XPO4: variants seen among roughly 807,000 people sequenced by gnomAD.
The protein encoded by XPO4 is exportin 4.
A neutral mutation model predicts 143.0 loss-of-function variants in XPO4; 39 were observed. The ratio of observed to expected loss-of-function variants is 0.27; its 90% confidence interval spans 0.21 to 0.36. XPO4 has a LOEUF of 0.36. Ranked by LOEUF, XPO4 falls within the 10% of genes least tolerant of loss-of-function variation. The pLI is 1.00. For missense variants in XPO4, 907 were observed against 1,348.0 expected, an observed-to-expected ratio of 0.67 and a Z score of 5.12; for synonymous variants, 439 against 474.0, an observed-to-expected ratio of 0.93 and a Z score of 0.96.
chr13:20,874,864 G>C (rs2060336932), intron 1 of XPO4, among the ~76,000 whole-genome samples: 1 of 152,100 alleles, frequency 6.6e-6, no homozygotes, highest in Non-Finnish European at 1.5e-5. Context: ...ATGATGGCAG[G>C]TGCCTATAAT....
At chr13:20,817,669 A>G (rs2059666754) in intron 9 of XPO4, among the ~76,000 whole-genome samples, 1 of 152,248 alleles carries the variant, frequency 6.6e-6, no homozygotes, top group African/African-American at 2.4e-5. Context: ...AAAGAAACCA[A>G]GAAACAAACT....
At chr13:20,885,313 T>C (rs761114162) in intron 1 of XPO4, among the ~76,000 whole-genome samples, 2 of 152,182 alleles carry the variant, frequency 1.3e-5, no homozygotes, top group African/African-American at 4.8e-5. Flanking sequence ...ATACATATTA[T>C]CTTTGGACTA....
intron 7 of XPO4, among the ~76,000 whole-genome samples, chr13:20,823,250 G>C (rs1426875383): frequency 1.3e-5 from 2 of 152,034 alleles, no homozygotes; most frequent in Non-Finnish European, 2.9e-5. Flanking sequence ...CATAGTTTTA[G>C]GCTATATTCA....
chr13:20,841,083 C>A (rs1409757619), intron 6 of XPO4, among the ~76,000 whole-genome samples: 1 of 152,216 alleles, frequency 6.6e-6, no homozygotes, highest in Non-Finnish European at 1.5e-5. Context: ...TCTCTACCAA[C>A]TGTATTTTCC....
In XPO4 at chr13:20,782,655, AAGTT is replaced by A. The variant is rs1190538936; in HGVS notation, c.*1063_*1066del. 1 of 152,574 alleles carries A rather than the reference AAGTT, an allele frequency of 6.6e-6. No homozygotes were observed. The highest frequency in any genetic ancestry group is 1.5e-5 in the Non-Finnish European group (1 of 68,026). 9.5% of individuals were successfully genotyped at this position (152,574 alleles called of 1,614,324 possible). On this transcript the variant is annotated 3_prime_UTR_variant, in exon 23 of 23. Coordinates refer to ENST00000255305, the MANE Select transcript of XPO4 (RefSeq NM_022459.5). The stretch of plus-strand genomic sequence containing the variant: ...GTGGCTGGATAGAAACACACTCAAA[AAGTT>A]AGACTAGACGGAAACAAGCCTTTCA...
chr13:20,800,112 C>T (rs1190496413), intron 15 of XPO4, 44 bp downstream of exon 15: 8 of 1,601,520 alleles, frequency 5.0e-6, no homozygotes, highest in Admixed American at 1.7e-5. Flanking sequence ...GAGTTTCTCA[C>T]CCACACACAT....
At chr13:20,878,399 C>G (rs1282145803) in intron 1 of XPO4, among the ~76,000 whole-genome samples, 1 of 151,390 alleles carries the variant, frequency 6.6e-6, no homozygotes, top group African/African-American at 2.4e-5. Flanking sequence ...GATGTTCCTA[C>G]AACATTATAA....
intron 6 of XPO4, among the ~76,000 whole-genome samples, chr13:20,829,483 C>T (rs1323381722): frequency 6.6e-6 from 1 of 151,706 alleles, no homozygotes; most frequent in Non-Finnish European, 1.5e-5. Flanking sequence ...AATGGTTGGC[C>T]CCAAAGCTGA....
At chr13:20,815,528 AATATG>A (rs1238774572) in intron 9 of XPO4, among the ~76,000 whole-genome samples, 3 of 152,192 alleles carry the variant, frequency 2.0e-5, no homozygotes, top group Non-Finnish European at 4.4e-5. Flanking sequence ...GTACTGTAAA[AATATG>A]AGCTAAATCT....
chr13:20,828,170 G>A (rs1174083951), intron 6 of XPO4, among the ~76,000 whole-genome samples: 1 of 151,514 alleles, frequency 6.6e-6, no homozygotes, highest in Non-Finnish European at 1.5e-5. Context: ...ACACTCTCCC[G>A]CAGAGGTTGC....
At chr13:20,857,708 CA>C in intron 3 of XPO4, 3 of 463,042 alleles carry the variant, frequency 6.5e-6, no homozygotes, top group Non-Finnish European at 8.5e-6. Flanking sequence ...GCCTGGGCAA[CA>C]GAGCGAGACT....
At chr13:20,902,762 T>A (rs370811001), upstream of XPO4, 9 of 1,434,140 alleles carry the variant, frequency 6.3e-6, no homozygotes, top group South Asian at 1.6e-5. Context: ...TGACGCGCCA[T>A]GCGCTGCATT....
chr13:20,843,146 A>C, intron 5 of XPO4, 98 bp from the exon 6 acceptor site: 1 of 1,181,454 alleles, frequency 8.5e-7, no homozygotes, highest in Non-Finnish European at 1.2e-6. Flanking sequence ...TAAAATTTCC[A>C]ATGGAAAACA....
rs3056347 is a variant in XPO4 at position 20,806,539 on chromosome 13, C to CTTT, written c.1817+915_1817+917dup. Among the ~76,000 whole-genome samples the CTTT allele has an allele frequency of 1.4e-3, 88 of 61,644 alleles. 8 individuals carry two copies. The highest frequency in any genetic ancestry group is 5.2e-3 in the African/African-American group (77 of 14,734). The allele number at this position is 61,644 out of a possible 152,430, so 40.4% of individuals were successfully genotyped here. A position where few individuals can be genotyped will look rare whatever the true frequency, so the allele number is the denominator to read the frequency against. On this transcript the variant is annotated intron_variant, in intron 13 of 22. Coordinates refer to ENST00000255305, the MANE Select transcript of XPO4 (RefSeq NM_022459.5). Reference sequence around the variant, plus strand: ...TGTTTTCAAATTCACTTTCAGGACCCTTTTTTTTTTTTTTTTTTTTTTTTT... The same window carrying CTTT: ...TGTTTTCAAATTCACTTTCAGGACCCTTTTTTTTTTTTTTTTTTTTTTTTTTTT...
intron 1 of XPO4, among the ~76,000 whole-genome samples, chr13:20,892,359 A>G (rs1566630554): frequency 6.6e-6 from 1 of 152,108 alleles, no homozygotes. Context: ...AAGTGCTGGG[A>G]TTACAGGTGT....
At chr13:20,848,843 A>G (rs2060055263) in intron 4 of XPO4, 1 of 985,328 alleles carries the variant, frequency 1.0e-6, no homozygotes, top group Non-Finnish European at 1.2e-6. Context: ...AAACAAGTAG[A>G]AGACAATGCA....
intron 1 of XPO4, among the ~76,000 whole-genome samples, chr13:20,874,543 T>G (rs1028272004): frequency 6.6e-6 from 1 of 152,230 alleles, no homozygotes; most frequent in African/African-American, 2.4e-5. Flanking sequence ...GGGGTCCTGA[T>G]AAAAGGTTAA....
chr13:20,831,118 C>A (rs190244788), intron 6 of XPO4, among the ~76,000 whole-genome samples: 47 of 151,172 alleles, frequency 3.1e-4, no homozygotes, highest in East Asian at 7.7e-4. Flanking sequence ...TATAAGAAAT[C>A]AAAAAAAATA....
intron 6 of XPO4, among the ~76,000 whole-genome samples, chr13:20,834,798 A>G (rs2059897073): frequency 6.6e-6 from 1 of 152,022 alleles, no homozygotes; most frequent in Non-Finnish European, 1.5e-5. Flanking sequence ...CTGCCCTACA[A>G]AAAAATTTAA....
Sources: allele counts gnomAD v4.1 joint callset (sites outside exome capture counted in the v4.1 genomes callset), GRCh38; gene constraint gnomAD v4.1.1; transcripts MANE v1.5; gene names NCBI Gene and HGNC (gene_info 2026-07-23, HGNC 2026-07-21).